VILL: variants seen among roughly 807,000 people sequenced by gnomAD.
The protein encoded by VILL is villin like.
VILL carries 102 observed loss-of-function variants against 106.3 expected under a neutral mutation model. That is an observed-to-expected ratio of 0.96 (90% CI 0.82 to 1.13). The LOEUF (loss-of-function observed/expected upper bound fraction) is 1.13, where lower values mean the gene tolerates loss of function less well. VILL is among the 50% of genes most tolerant of loss of function. The pLI, the probability that VILL is intolerant of heterozygous loss-of-function variation, is 0.00. For synonymous variants in VILL, 431 were observed against 440.3 expected (o/e 0.98, Z 0.27); for missense variants, 1,076 against 1,116.6 (o/e 0.96, Z 0.52).
intron 1 of VILL, 144 bp from the exon 2 acceptor site, chr3:37,993,443 T>G (rs1378243007): frequency 3.8e-6 from 2 of 531,472 alleles, no homozygotes; most frequent in Non-Finnish European, 6.7e-6. Context: ...AAAAAAATTG[T>G]CAAGTGTTTA....
chr3:38,001,916 G>A (rs1699825356), intron 13 of VILL, 56 bp downstream of exon 13: 6 of 1,611,368 alleles, frequency 3.7e-6, no homozygotes, highest in African/African-American at 1.3e-5. Context: ...ATGGGCCATG[G>A]CCCCCGCACA....
chr3:38,003,564 C>T, intron 15 of VILL: 1 of 505,936 alleles, frequency 2.0e-6, no homozygotes, highest in African/African-American at 1.9e-5. Context: ...CCCCTCCCTG[C>T]ATTGTCCTGG....
Position 38,005,940 on chromosome 3 carries a change from G to A in VILL, c.2099G>A (p.Gly700Glu). Residue 700 changes from glycine to glutamate, a missense_variant, in exon 17 of 20, where the codon GGA becomes GAA. Gly to Glu is a moderately conservative substitution (Grantham distance 98). Coordinates refer to ENST00000383759, the MANE Select transcript of VILL (RefSeq NM_015873.4). ...GGCCATGAGCCTCCCACCTTCATTG[G>A]ATGGTTCTTCACTTGGGACCCCTAC... ...KQGHEPPTFI[G>E]WFFTWDPYKW... is the part of the protein sequence containing the mutation. The A allele has an allele frequency of 6.2e-7, 1 of 1,613,808 alleles. No homozygotes were observed. The highest frequency in any genetic ancestry group is 1.1e-5 in the South Asian group (1 of 91,052).
chr3:38,005,861 A>T lies in VILL; in HGVS notation c.2020A>T (p.Lys674Ter). The T allele has an allele frequency of 6.2e-7, 1 of 1,614,090 alleles. No homozygotes were observed. Among genetic ancestry groups the T allele is most frequent in the South Asian group, 1.1e-5 (1 of 91,074 alleles). Residue 674 changes from lysine to a stop codon, truncating the protein, a stop_gained, in exon 17 of 20, where the codon AAG becomes TAG. Coordinates refer to ENST00000383759, the MANE Select transcript of VILL (RefSeq NM_015873.4). LOFTEE classifies it high-confidence loss of function. ...GGTGGCCTGGGGCCAGGAGTACCTG[A>T]AGACTCACCCAGCAGGGAGGAGCCC... ...EAVAWGQEYL[K>*]THPAGRSPAT...
chr3:38,005,345 C>T (rs189424403), intron 16 of VILL, among the ~76,000 whole-genome samples: 4 of 152,288 alleles, frequency 2.6e-5, no homozygotes, highest in Admixed American at 6.5e-5. Context: ...GCCGGGCACA[C>T]GGCCACCTCG....
chr3:37,989,396 G>A (rs181126372), upstream of VILL, among the ~76,000 whole-genome samples: 4 of 152,304 alleles, frequency 2.6e-5, no homozygotes, highest in South Asian at 2.1e-4. Flanking sequence ...GACTGGAACT[G>A]GGAAGGAAAC....
chr3:38,000,857 G>A (rs1478926442), intron 11 of VILL: 18 of 456,566 alleles, frequency 3.9e-5, no homozygotes, highest in Non-Finnish European at 5.3e-5. Flanking sequence ...TAAGGGAGGC[G>A]TCATCATCCC....
intron 19 of VILL, 94 bp downstream of exon 19, chr3:38,006,794 T>C: frequency 6.5e-7 from 1 of 1,536,748 alleles, no homozygotes; most frequent in South Asian, 1.2e-5. Flanking sequence ...AGTGGGCAAC[T>C]GCCCCGGGAG....
chr3:38,007,010 C>T lies in VILL; in HGVS notation c.2526C>T (p.Ala842=), dbSNP rs1408618140. The T allele has an allele frequency of 1.9e-6, 3 of 1,614,120 alleles. No homozygotes were observed. In the Admixed American group the frequency reaches 5.0e-5, roughly 27 times the overall value. ...CCAAGGAGGAATTCTACAGCATGGC[C>T]ACGTGGAGGCAGCGGCAGGAGAAAA... is the stretch of plus-strand genomic sequence containing the variant. ...GKSKEEFYSM[A]TWRQRQEKKQ... is the part of the protein sequence containing the mutation. Residue 842 remains alanine, a synonymous_variant, in exon 20 of 20, where the codon GCC becomes GCT. Coordinates refer to ENST00000383759, the MANE Select transcript of VILL (RefSeq NM_015873.4).
rs1207219428 is a variant in VILL at position 38,001,471 on chromosome 3, G to T, written c.1198G>T (p.Asp400Tyr). The T allele has an allele frequency of 6.2e-7, 1 of 1,614,178 alleles. No homozygotes were observed. The highest frequency in any genetic ancestry group is 1.1e-5 in the South Asian group (1 of 91,090). ...SGKVEVWCIQ[D>Y]LHRQPVDPKR... ...TATTCCCCAGGTGTGGTGCATCCAGGACTTACACAGGCAGCCCGTGGACCC... is the reference window on the plus strand; with the variant it reads ...TATTCCCCAGGTGTGGTGCATCCAGTACTTACACAGGCAGCCCGTGGACCC... Residue 400 changes from aspartate to tyrosine, a missense_variant, in exon 12 of 20, where the codon GAC (aspartate) becomes TAC (tyrosine). Coordinates refer to ENST00000383759, the MANE Select transcript of VILL (RefSeq NM_015873.4).
chr3:38,006,633 G>A lies in VILL; in HGVS notation c.2390G>A (p.Arg797His), dbSNP rs781226265. 33 of 1,613,706 alleles carry A rather than the reference G, an allele frequency of 2.0e-5. No homozygotes were observed. The South Asian group carries it at 2.5e-4, about 12-fold the overall frequency. Residue 797 changes from arginine (R) to histidine (H), a missense_variant, in exon 19 of 20, where the codon CGC becomes CAC. Coordinates refer to ENST00000383759, the MANE Select transcript of VILL (RefSeq NM_015873.4). ...STSATINGGL[R>H]REQLMHQAVE... ...AGCGCCACGATCAACGGGGGCCTGC[G>A]CCGGGAACAACTGATGCACCAGGCT... is the stretch of plus-strand genomic sequence containing the variant.
chr3:37,999,004 G>A lies in VILL; in HGVS notation c.1035G>A (p.Arg345=). The A allele has an allele frequency of 1.9e-6, 3 of 1,601,962 alleles. No individual in the cohort carries two copies. The highest frequency in any genetic ancestry group is 1.1e-5 in the South Asian group (1 of 90,776). ...CGGCCGCGTTCAAGCAGCTCTTCCGGACTTGGTCTGAGAAGCGGCGCAGGA... is the reference window on the plus strand; with the variant it reads ...CGGCCGCGTTCAAGCAGCTCTTCCGAACTTGGTCTGAGAAGCGGCGCAGGA... The part of the protein sequence containing the change: ...AESAAFKQLF[R]TWSEKRRRNQ... The change falls in exon 10 of 20, where the codon CGG becomes CGA. Residue 345 remains arginine (R), a synonymous_variant. Transcript: ENST00000383759.
chr3:38,000,286 G>A (rs568008444), intron 11 of VILL, among the ~76,000 whole-genome samples: 1 of 152,280 alleles, frequency 6.6e-6, no homozygotes, highest in Admixed American at 6.5e-5. Flanking sequence ...GGAAGAGACT[G>A]AGAGAGGAGG....
chr3:37,991,489 G>A lies in VILL; in HGVS notation c.-87+660G>A, dbSNP rs554656458. ...TGGGAGAAAAAGGGAAGGATCCCAG[G>A]GGAGAGGGGAAATCAGAGGGGAGAA... On this transcript the variant is annotated intron_variant, in intron 1 of 19. Transcript: ENST00000383759. Among the ~76,000 whole-genome samples the A allele has an allele frequency of 7.9e-5, 12 of 151,752 alleles. No individual in the cohort carries two copies. The East Asian group carries it at 2.1e-3, about 27-fold the overall frequency.
rs1559656815 is a variant in VILL at position 37,998,327 on chromosome 3, G to GCCT, written c.908_910dup (p.Leu303dup). 5 of 1,614,180 alleles carry GCCT rather than the reference G, an allele frequency of 3.1e-6. No homozygotes were observed. The highest frequency in any genetic ancestry group is 4.2e-6 in the Non-Finnish European group (5 of 1,180,014). On this transcript the variant is annotated inframe_insertion, in exon 9 of 20. Transcript: ENST00000383759. The surrounding 1 kb of genome is among the most constrained non-coding windows in gnomAD (Gnocchi z 4.1). ...TATGTGTGGCAGGGACGCATGTCTA[G>GCCT]CCTCCAGGAGAGAAAGGCTGCCTTC...
Position 38,006,223 on chromosome 3 carries a change from G to A in VILL, c.2176G>A (p.Ala726Thr). 6.2e-7 allele frequency: 1 copy of A among 1,614,208 alleles called. No individual in the cohort carries two copies. The highest frequency in any genetic ancestry group is 8.5e-7 in the Non-Finnish European group (1 of 1,180,028). ...GGAAGTGGTGGATGGCAGCCCGGCA[G>A]CAGCATCAACCATCTCTGAGATAAC... Reference protein sequence around the residue: ...HKEVVDGSPAAASTISEITAE... With the variant: ...HKEVVDGSPATASTISEITAE... Residue 726 changes from alanine to threonine, a missense_variant, in exon 18 of 20, where the codon GCA becomes ACA. Transcript: ENST00000383759.
intron 11 of VILL, chr3:38,000,856 C>T (rs549448996): frequency 2.4e-5 from 11 of 456,640 alleles, no homozygotes; most frequent in East Asian, 1.4e-4. Flanking sequence ...GTAAGGGAGG[C>T]GTCATCATCC....
chr3:37,994,727 C>T (rs1699671696), intron 4 of VILL, among the ~76,000 whole-genome samples: 1 of 152,216 alleles, frequency 6.6e-6, no homozygotes, highest in Non-Finnish European at 1.5e-5. Context: ...AGCCCCATAC[C>T]CCTTTGCCAC....
intron 3 of VILL, 55 bp downstream of exon 3, chr3:37,994,027 A>G: frequency 2.5e-6 from 4 of 1,598,858 alleles, no homozygotes; most frequent in Non-Finnish European, 3.4e-6. Context: ...GGCACTGGGG[A>G]GACTGAGGCA....
Sources: allele counts gnomAD v4.1 joint callset (sites outside exome capture counted in the v4.1 genomes callset), GRCh38; gene constraint gnomAD v4.1.1; non-coding constraint Gnocchi (gnomAD v3.1); transcripts MANE v1.5; gene names NCBI Gene and HGNC (gene_info 2026-07-23, HGNC 2026-07-21).